Variants in TEPSIN observed in about 807,000 individuals in gnomAD.
The protein encoded by TEPSIN is TEPSIN adaptor related protein complex 4 accessory protein, also known as AP-4 complex accessory subunit tepsin.
TEPSIN carries 50 observed loss-of-function variants against 48.5 expected under a neutral mutation model. The ratio of observed to expected loss-of-function variants is 1.03; its 90% CI spans 0.82 to 1.31. TEPSIN has a LOEUF of 1.31. Ranked by LOEUF, TEPSIN falls within the 50% of genes most tolerant of loss-of-function variation. The pLI is 0.00. For synonymous variants in TEPSIN, 392 were observed against 358.8 expected, an observed-to-expected ratio of 1.09 and a Z score of -1.05; for missense variants, 838 against 815.9, an observed-to-expected ratio of 1.03 and a Z score of -0.33.
intron 1 of TEPSIN, chr17:81,238,595 G>A (rs2062768478): frequency 1.8e-6 from 2 of 1,088,760 alleles, no homozygotes; most frequent in Non-Finnish European, 1.1e-6. Flanking sequence ...GGAGTCCTCT[G>A]AAACGCCACC....
chr17:81,236,688 C>T lies in TEPSIN; in HGVS notation c.307+20G>A, dbSNP rs1314851767. On this transcript the variant is annotated intron_variant, in intron 4 of 12. Coordinates refer to ENST00000637944, the MANE Select transcript of TEPSIN (RefSeq NM_001363764.2). ...CTCCAAAGCCCTGGCTCTTCCTGAG[C>T]GCGTGCGCGGCCCCTGTACCTGCAG... is the stretch of plus-strand genomic sequence containing the variant. 6.5e-6 allele frequency: 10 copies of T among 1,550,380 alleles called. No individual in the cohort carries two copies. Among genetic ancestry groups the T allele is most frequent in the Admixed American group, 2.0e-5 (1 of 51,094 alleles).
rs762128053 is a variant in TEPSIN, at chr17:81,231,996, G to A, written c.756C>T (p.Ala252=). The A allele has an allele frequency of 2.8e-5, 45 of 1,610,720 alleles. No individual in the cohort carries two copies. Among genetic ancestry groups the A allele is most frequent in the Middle Eastern group, 3.3e-4 (2 of 6,084 alleles). The part of the protein sequence containing the change: ...PRAVRHQPGQ[A]GGGWDELDSG... ...TGTCCAGCTCATCCCAGCCCCCTCCGGCCTGCCCAGGCTGATGCCTCACAG... is the reference window on the plus strand; with the variant it reads ...TGTCCAGCTCATCCCAGCCCCCTCCAGCCTGCCCAGGCTGATGCCTCACAG... The change falls in exon 9 of 13, where the codon GCC becomes GCT. Residue 252 remains alanine (A), a synonymous_variant. Transcript: ENST00000637944.
chr17:81,229,571 C>CTGGGTGGAGGGA, intron 12 of TEPSIN, 95 bp from the exon 13 acceptor site: 2 of 1,368,912 alleles, frequency 1.5e-6, no homozygotes, highest in Non-Finnish European at 2.0e-6. Context: ...CTCAGTCCCT[C>CTGGGTGGAGGGA]CACCCAGAGG....
intron 1 of TEPSIN, chr17:81,238,306 G>T: frequency 2.2e-6 from 1 of 446,544 alleles, no homozygotes; most frequent in Non-Finnish European, 3.0e-6. Flanking sequence ...AGCACAGAAC[G>T]ACTATGTCGA....
At chr17:81,229,695 G>A (rs765167471) in intron 12 of TEPSIN, 12 of 590,446 alleles carry the variant, frequency 2.0e-5, no homozygotes, top group Admixed American at 3.2e-5. Context: ...CGGGGCAGGT[G>A]TCACATACAC....
In TEPSIN at chr17:81,233,707, T is replaced by A. The variant is rs781522625; in HGVS notation, c.385A>T (p.Ser129Cys). 1.9e-6 allele frequency: 3 copies of A among 1,597,888 alleles called. No homozygotes were observed. Among genetic ancestry groups the A allele is most frequent in the Non-Finnish European group, 2.6e-6 (3 of 1,174,552 alleles). ...KVRAAAQDLG[S>C]TLFSDTVLPL... is the part of the protein sequence containing the mutation. Reference sequence around the variant, plus strand: ...AACACGGTGTCCGAGAACAGGGTGCTCCCCAAGTCCTACAGGGGGAGGCGA... The same window carrying A: ...AACACGGTGTCCGAGAACAGGGTGCACCCCAAGTCCTACAGGGGGAGGCGA... Residue 129 changes from serine to cysteine, a missense_variant, in exon 6 of 13, where the codon AGC becomes TGC. By Grantham distance (112) the Ser-to-Cys change is moderately radical (BLOSUM62 -1). Coordinates refer to ENST00000637944, the MANE Select transcript of TEPSIN (RefSeq NM_001363764.2). The surrounding 1 kb of genome is among the most constrained non-coding windows in gnomAD (Gnocchi z 5.8).
chr17:81,238,051 C>T (rs1012299090), intron 1 of TEPSIN: 37 of 992,920 alleles, frequency 3.7e-5, no homozygotes, highest in Non-Finnish European at 4.2e-5. Context: ...ACCACCCATT[C>T]TTGCATTATT....
intron 4 of TEPSIN, among the ~76,000 whole-genome samples, chr17:81,235,826 C>T (rs1172338684): frequency 6.6e-6 from 1 of 152,248 alleles, no homozygotes; most frequent in Non-Finnish European, 1.5e-5. Flanking sequence ...AGTCATGTGT[C>T]ACAACTGTCT....
chr17:81,236,388 GAAAC>G (rs2062720441), intron 4 of TEPSIN, among the ~76,000 whole-genome samples: 1 of 152,202 alleles, frequency 6.6e-6, no homozygotes, highest in African/African-American at 2.4e-5. Flanking sequence ...GGCACACAGA[GAAAC>G]AAACTGGCAC....
intron 12 of TEPSIN, chr17:81,229,775 C>T (rs1174791872): frequency 8.8e-6 from 4 of 457,038 alleles, no homozygotes; most frequent in Non-Finnish European, 1.6e-5. Flanking sequence ...CCGCCAGGCA[C>T]TGCCGGAGGG....
chr17:81,236,631 CA>C, intron 4 of TEPSIN, 76 bp downstream of exon 4: 2 of 1,438,314 alleles, frequency 1.4e-6, no homozygotes, highest in South Asian at 2.5e-5. Context: ...TCTTCCTTCT[CA>C]AACCTGGAGG....
chr17:81,230,654 G>C lies in TEPSIN; in HGVS notation c.1123C>G (p.Leu375Val). 1 of 1,576,678 alleles carries C rather than the reference G, an allele frequency of 6.3e-7. No individual in the cohort carries two copies. The highest frequency in any genetic ancestry group is 8.6e-7 in the Non-Finnish European group (1 of 1,160,228). Residue 375 changes from leucine to valine, a missense_variant, in exon 12 of 13, where the codon CTG (leucine) becomes GTG (valine). Physicochemically the swap from Leu to Val is conservative, Grantham distance 32 (BLOSUM62 1). Transcript: ENST00000637944. The surrounding 1 kb of genome is among the most constrained non-coding windows in gnomAD (Gnocchi z 4.2). Reference sequence around the variant, plus strand: ...TGGGGGAGGAGGTCGCTGCTCCCCAGGGAGGCGATGGCACACAGCGCCCTC... The same window carrying C: ...TGGGGGAGGAGGTCGCTGCTCCCCACGGAGGCGATGGCACACAGCGCCCTC... ...QLRALCAIAS[L>V]GSSDLLPQEH...
rs2062565604 is a variant in TEPSIN, at chr17:81,230,357, G to C, written c.1233+187C>G. 2.8e-6 allele frequency: 2 copies of C among 724,258 alleles called. No individual in the cohort carries two copies. The highest frequency in any genetic ancestry group is 4.4e-6 in the Non-Finnish European group (2 of 455,306). The allele number at this position is 724,258 out of a possible 1,614,324, so 44.9% of individuals were successfully genotyped here. A position where few individuals can be genotyped will look rare whatever the true frequency, so the allele number is the denominator to read the frequency against. On this transcript the variant is annotated intron_variant, in intron 12 of 12. Coordinates refer to ENST00000637944, the MANE Select transcript of TEPSIN (RefSeq NM_001363764.2). The surrounding 1 kb of genome is among the most constrained non-coding windows in gnomAD (Gnocchi z 4.2). The stretch of plus-strand genomic sequence containing the variant: ...TGCTGCAGAGTTTGGGTGGAAGGCG[G>C]GAAGGCAATGGGGAGGTGAGGACCC...
chr17:81,236,449 G>T (rs1328489126), intron 4 of TEPSIN, among the ~76,000 whole-genome samples: 4 of 152,220 alleles, frequency 2.6e-5, no homozygotes, highest in African/African-American at 9.6e-5. Flanking sequence ...GCCCAGGGAC[G>T]CATAGGAGGC....
At chr17:81,236,844 G>T in intron 3 of TEPSIN, 43 bp from the exon 4 acceptor site, 1 of 1,547,158 alleles carries the variant, frequency 6.5e-7, no homozygotes, top group Non-Finnish European at 8.7e-7. Flanking sequence ...GGCCGGACAC[G>T]GGACACCCAG....
intron 1 of TEPSIN, chr17:81,238,373 G>T (rs1227772841): frequency 5.0e-5 from 14 of 278,472 alleles, no homozygotes; most frequent in Non-Finnish European, 7.6e-5. Context: ...GCCCAAGGTC[G>T]CGCCCTGGGA....
Position 81,233,442 on chromosome 17 carries a change from G to C in TEPSIN, c.516C>G (p.His172Gln). ...GCCCTCCCCACTCACCCGTGCGGCC[G>C]TGTTCCTTGCTGTAGCCGAAACCCT... ...TLQGFGYSKE[H>Q]GRTGSAGEAF... Residue 172 changes from histidine (H) to glutamine (Q), a missense_variant, in exon 7 of 13, where the codon CAC becomes CAG. His to Gln is a conservative substitution (Grantham distance 24). Transcript: ENST00000637944. The surrounding 1 kb of genome is among the most constrained non-coding windows in gnomAD (Gnocchi z 5.8). The C allele has an allele frequency of 6.2e-7, 1 of 1,610,964 alleles. No homozygotes were observed. Among genetic ancestry groups the C allele is most frequent in the Non-Finnish European group, 8.5e-7 (1 of 1,179,528 alleles).
chr17:81,230,935 T>TGTCTTCACCGCCTTACACCCCATCG lies in TEPSIN; in HGVS notation c.1099-258_1099-257insCGATGGGGTGTAAGGCGGTGAAGAC. 1 of 535,460 alleles carries TGTCTTCACCGCCTTACACCCCATCG rather than the reference T, an allele frequency of 1.9e-6. No individual in the cohort carries two copies. The highest frequency in any genetic ancestry group is 2.5e-5 in the South Asian group (1 of 40,250). 33.2% of individuals were successfully genotyped at this position (535,460 alleles called of 1,614,324 possible). Reference sequence around the variant, plus strand: ...TGTCTTCACCGCCTTACACCCCAGCTCCCGGACACCAGAGCCATGTCCTCC... The same window carrying TGTCTTCACCGCCTTACACCCCATCG: ...TGTCTTCACCGCCTTACACCCCAGCTGTCTTCACCGCCTTACACCCCATCGCCCGGACACCAGAGCCATGTCCTCC... On this transcript the variant is annotated intron_variant, in intron 11 of 12. Transcript: ENST00000637944. The surrounding 1 kb of genome is among the most constrained non-coding windows in gnomAD (Gnocchi z 4.2).
At chr17:81,238,663 GC>G in intron 1 of TEPSIN, 1 of 1,179,198 alleles carries the variant, frequency 8.5e-7, no homozygotes, top group African/African-American at 1.6e-5. Flanking sequence ...GGACACAGCG[GC>G]TCCACGTCCA....
Sources: gnomAD v4.1 joint callset for allele counts (sites outside exome capture counted in the v4.1 genomes callset) on GRCh38, gnomAD v4.1.1 for gene constraint, Gnocchi (gnomAD v3.1) non-coding constraint, MANE v1.5 for transcripts, NCBI Gene and HGNC (gene_info 2026-07-23, HGNC 2026-07-21) for gene names.